RAD54L2: variants seen among roughly 807,000 people sequenced by gnomAD.
RAD54L2 encodes the protein RAD54 like 2, also known as helicase ARIP4.
Under a neutral mutation model 138.4 loss-of-function variants are expected in RAD54L2, and 27 were observed. That is an observed-to-expected ratio of 0.20 (90% CI 0.14 to 0.27). The LOEUF (loss-of-function observed/expected upper bound fraction) is 0.27. Ranked by LOEUF, RAD54L2 falls within the 10% of genes least tolerant of loss-of-function variation. RAD54L2 has a pLI of 1.00. For synonymous variants in RAD54L2, 644 were observed against 723.2 expected (o/e 0.89, Z 1.76); for missense variants, 1,396 against 1,890.2 (o/e 0.74, Z 4.85).
intron 20 of RAD54L2, among the ~76,000 whole-genome samples, chr3:51,656,883 G>C (rs1189724243): frequency 6.6e-6 from 1 of 151,938 alleles, no homozygotes; most frequent in Non-Finnish European, 1.5e-5. Flanking sequence ...TTACAGGCGT[G>C]TGCCACTATG....
intron 3 of RAD54L2, among the ~76,000 whole-genome samples, chr3:51,605,556 G>A (rs377236291): frequency 8.1e-4 from 119 of 147,658 alleles, no homozygotes; most frequent in African/African-American, 2.8e-3. Context: ...AGGTTGCAGC[G>A]ATTCTCCTGC....
At chr3:51,640,287 A>T (rs1461511838) in intron 14 of RAD54L2, among the ~76,000 whole-genome samples, 2 of 152,234 alleles carry the variant, frequency 1.3e-5, no homozygotes, top group Non-Finnish European at 2.9e-5. Flanking sequence ...GTTATAAAAA[A>T]CATACAAAGA....
chr3:51,618,110 C>T (rs1248772041), intron 3 of RAD54L2, among the ~76,000 whole-genome samples: 1 of 151,424 alleles, frequency 6.6e-6, no homozygotes, highest in Non-Finnish European at 1.5e-5. Flanking sequence ...AGGCACGTGC[C>T]ACCATGCCCG....
intron 2 of RAD54L2, among the ~76,000 whole-genome samples, chr3:51,582,122 G>A (rs374024688): frequency 5.3e-5 from 8 of 151,906 alleles, no homozygotes; most frequent in African/African-American, 1.9e-4. Flanking sequence ...GCCCAGGCTG[G>A]TCTCAAACTC....
At chr3:51,578,216 T>G (rs959433295) in intron 2 of RAD54L2, among the ~76,000 whole-genome samples, 1 of 151,016 alleles carries the variant, frequency 6.6e-6, no homozygotes, top group African/African-American at 2.4e-5. Context: ...CTGAAACAGT[T>G]TTTGGAGGAT....
At chr3:51,605,514 G>A (rs1250458529) in intron 3 of RAD54L2, among the ~76,000 whole-genome samples, 1 of 144,318 alleles carries the variant, frequency 6.9e-6, no homozygotes, top group Non-Finnish European at 1.5e-5. Flanking sequence ...ATGCAGTGGC[G>A]TGATCTTGGC....
At chr3:51,589,979 T>C (rs76772643) in intron 2 of RAD54L2, among the ~76,000 whole-genome samples, 1 of 152,096 alleles carries the variant, frequency 6.6e-6, no homozygotes, top group Non-Finnish European at 1.5e-5. Context: ...GGGGAATTCA[T>C]GTTCAGCATT....
intron 19 of RAD54L2, among the ~76,000 whole-genome samples, chr3:51,650,710 C>A (rs1701407821): frequency 6.6e-6 from 1 of 152,142 alleles, no homozygotes; most frequent in Admixed American, 6.5e-5. Flanking sequence ...GAAATGAAGG[C>A]AGAAATAAAG....
Position 51,663,223 on chromosome 3 carries a change from C to G in RAD54L2, c.4207C>G (p.Pro1403Ala). 1 of 1,613,982 alleles carries G rather than the reference C, an allele frequency of 6.2e-7. No homozygotes were observed. The highest frequency in any genetic ancestry group is 8.5e-7 in the Non-Finnish European group (1 of 1,179,876). Residue 1403 changes from proline to alanine, a missense_variant, in exon 23 of 23, where the codon CCT becomes GCT. Around this residue, in one of 7 missense-constraint regions of RAD54L2, gnomAD observed 634 missense variants for 711.2 expected, o/e 0.89. Transcript: ENST00000684192. The part of the protein sequence containing the change: ...EPRMFAPFPS[P>A]VLPSNLSRGM... ...GAGGATGTTTGCGCCTTTTCCTTCC[C>G]CTGTCTTGCCCAGCAACCTTTCGCG...
At chr3:51,610,418 A>T (rs1026309234) in intron 3 of RAD54L2, among the ~76,000 whole-genome samples, 1 of 152,092 alleles carries the variant, frequency 6.6e-6, no homozygotes, top group African/African-American at 2.4e-5. Context: ...AGCCTGGCCA[A>T]CATGGTGAAA....
At chr3:51,608,159 G>A (rs191413302) in intron 3 of RAD54L2, among the ~76,000 whole-genome samples, 3,661 of 149,942 alleles carry the variant, frequency 0.024, 71 homozygotes, top group Non-Finnish European at 0.032. Flanking sequence ...AGGTGGCGGC[G>A]GGGCAGAGAC....
chr3:51,589,500 G>A (rs1310537948), intron 2 of RAD54L2, among the ~76,000 whole-genome samples: 4 of 152,158 alleles, frequency 2.6e-5, no homozygotes, highest in African/African-American at 9.7e-5. Flanking sequence ...ATAGCATGGT[G>A]GACTGGAAGC....
chr3:51,635,421 G>T (rs1700960788), intron 9 of RAD54L2, among the ~76,000 whole-genome samples, 172 bp from the exon 10 acceptor site: 1 of 152,120 alleles, frequency 6.6e-6, no homozygotes. Context: ...GAGGTTCTTG[G>T]GTGGTAGGCT....
chr3:51,576,684 G>A (rs544119084), intron 2 of RAD54L2, among the ~76,000 whole-genome samples: 50 of 152,034 alleles, frequency 3.3e-4, no homozygotes, highest in African/African-American at 1.2e-3. Flanking sequence ...CTGTGGGATC[G>A]GTGGTGATGT....
chr3:51,602,117 C>G (rs1302525772), intron 3 of RAD54L2, among the ~76,000 whole-genome samples: 1 of 152,176 alleles, frequency 6.6e-6, no homozygotes, highest in Non-Finnish European at 1.5e-5. Flanking sequence ...AAGACGTGAG[C>G]CACCACACCC....
chr3:51,562,059 C>A (rs1028869609), intron 2 of RAD54L2, among the ~76,000 whole-genome samples: 1 of 147,550 alleles, frequency 6.8e-6, no homozygotes, highest in Admixed American at 6.8e-5. Flanking sequence ...CCCCTGAGAC[C>A]GAGTCTCACT....
intron 5 of RAD54L2, among the ~76,000 whole-genome samples, chr3:51,629,955 TC>T (rs1353758693): frequency 6.6e-6 from 1 of 152,156 alleles, no homozygotes; most frequent in Non-Finnish European, 1.5e-5. Flanking sequence ...CAGAAGAAGA[TC>T]ATTTAAAAAG....
intron 2 of RAD54L2, among the ~76,000 whole-genome samples, chr3:51,547,700 G>A (rs112167670): frequency 1.4e-3 from 206 of 151,062 alleles, no homozygotes; most frequent in African/African-American, 4.6e-3. Flanking sequence ...TCCCTCCTCA[G>A]CCTCTTGAGT....
chr3:51,622,138 T>C (rs185521768), intron 3 of RAD54L2, among the ~76,000 whole-genome samples: 8 of 152,278 alleles, frequency 5.3e-5, no homozygotes, highest in African/African-American at 1.9e-4. Context: ...CAGGTGGAAA[T>C]TGGAGAGCAC....
Sources: allele counts gnomAD v4.1 joint callset (sites outside exome capture counted in the v4.1 genomes callset), GRCh38; gene constraint gnomAD v4.1.1; regional missense constraint gnomAD v4.1.1; transcripts MANE v1.5; gene names NCBI Gene and HGNC (gene_info 2026-07-23, HGNC 2026-07-21).